Variants in SHANK2 observed in about 807,000 individuals in gnomAD.
SHANK2 encodes SH3 and multiple ankyrin repeat domains 2, also known as SH3 and multiple ankyrin repeat domains protein 2.
In SHANK2, 43 loss-of-function variants were observed where a neutral mutation model predicts 133.7. The observed-to-expected ratio is 0.32, with a 90% CI of 0.25 to 0.41. SHANK2 has a LOEUF of 0.41. Ranked by LOEUF, SHANK2 falls within the 10% of genes least tolerant of loss-of-function variation. SHANK2 has a pLI of 1.00. For missense variants in SHANK2, 1,994 were observed against 2,235.8 expected (o/e 0.89, Z 2.18); for synonymous variants, 1,017 against 952.8 (o/e 1.07, Z -1.24).
At chr11:70,863,611 C>T (rs1555068393) in intron 11 of SHANK2, 2 of 446,182 alleles carry the variant, frequency 4.5e-6, no homozygotes, top group Non-Finnish European at 9.1e-6. Context: ...CGGAGCTTTG[C>T]TAGGCCTGGT....
chr11:70,884,448 G>A (rs1402796752), intron 11 of SHANK2, among the ~76,000 whole-genome samples: 1 of 152,214 alleles, frequency 6.6e-6, no homozygotes, highest in East Asian at 1.9e-4. Flanking sequence ...GACAGCATGG[G>A]CTTTGTTTGG....
intron 1 of SHANK2, among the ~76,000 whole-genome samples, chr11:71,251,895 A>C (rs1555125905): frequency 6.6e-6 from 1 of 151,466 alleles, no homozygotes; most frequent in Non-Finnish European, 1.5e-5. Flanking sequence ...GTCTCGGGGG[A>C]CCTGGCGGCC....
chr11:70,524,872 A>G (rs553455321), intron 17 of SHANK2, among the ~76,000 whole-genome samples: 134 of 152,378 alleles, frequency 8.8e-4, no homozygotes, highest in Non-Finnish European at 1.3e-3. Flanking sequence ...TCATGCACAC[A>G]TGGACACATA....
At chr11:70,572,019 G>T (rs1455500542) in intron 17 of SHANK2, among the ~76,000 whole-genome samples, 1 of 152,214 alleles carries the variant, frequency 6.6e-6, no homozygotes, top group South Asian at 2.1e-4. Context: ...ACCCCAGAGA[G>T]CTCGCTTCCA....
At chr11:71,128,651 C>T (rs1280001155) in intron 3 of SHANK2, among the ~76,000 whole-genome samples, 1 of 152,222 alleles carries the variant, frequency 6.6e-6, no homozygotes, top group Non-Finnish European at 1.5e-5. Flanking sequence ...TGTGTCCTAG[C>T]ACAGATGAAC....
At chr11:70,865,986 C>T (rs1555068936) in intron 11 of SHANK2, among the ~76,000 whole-genome samples, 1 of 152,174 alleles carries the variant, frequency 6.6e-6, no homozygotes, top group East Asian at 1.9e-4. Flanking sequence ...CCCCTGGGCC[C>T]TCTCCTCCCT....
intron 17 of SHANK2, among the ~76,000 whole-genome samples, chr11:70,608,039 C>T (rs1179233340): frequency 6.6e-6 from 1 of 152,232 alleles, no homozygotes; most frequent in African/African-American, 2.4e-5. Context: ...GCCAGGGCTC[C>T]TGACCACTGC....
chr11:70,492,214 C>T, intron 22 of SHANK2, 121 bp downstream of exon 22: 7 of 1,446,230 alleles, frequency 4.8e-6, no homozygotes, highest in Non-Finnish European at 6.7e-6. Flanking sequence ...GATTTGGGCC[C>T]CACCTCTGGA....
intron 2 of SHANK2, among the ~76,000 whole-genome samples, chr11:71,159,498 C>T (rs1952967411): frequency 6.6e-6 from 1 of 152,162 alleles, no homozygotes; most frequent in Non-Finnish European, 1.5e-5. Flanking sequence ...TTCAGAGGTA[C>T]CAGAGACTAG....
chr11:71,138,790 C>CA (rs58396625), intron 3 of SHANK2, among the ~76,000 whole-genome samples: 13,248 of 82,552 alleles, frequency 0.16, 798 homozygotes, highest in Middle Eastern at 0.23. Flanking sequence ...GACCCTATCT[C>CA]AAAAAAAAAA....
intron 11 of SHANK2, among the ~76,000 whole-genome samples, chr11:70,821,712 C>T (rs924789762): frequency 5.9e-5 from 9 of 152,172 alleles, no homozygotes; most frequent in Admixed American, 1.3e-4. Flanking sequence ...CATGAGCCAC[C>T]GTGCCCGGCC....
intron 14 of SHANK2, among the ~76,000 whole-genome samples, chr11:70,755,676 C>G (rs888483250): frequency 6.6e-6 from 1 of 152,278 alleles, no homozygotes; most frequent in East Asian, 1.9e-4. Context: ...AGGCCGCCCT[C>G]GGCTCCGCAC....
At chr11:71,167,717 G>C (rs1555111300) in intron 2 of SHANK2, among the ~76,000 whole-genome samples, 2 of 137,016 alleles carry the variant, frequency 1.5e-5, no homozygotes, top group Non-Finnish European at 3.2e-5. Context: ...CGGGCAGAGG[G>C]GCTCCTCACT....
intron 2 of SHANK2, among the ~76,000 whole-genome samples, chr11:71,176,802 C>A (rs1953456597): frequency 6.6e-6 from 1 of 152,070 alleles, no homozygotes; most frequent in African/African-American, 2.4e-5. Context: ...ACAAATATTT[C>A]TATTTTTGGC....
At chr11:70,891,758 C>T (rs782558781) in intron 11 of SHANK2, among the ~76,000 whole-genome samples, 8 of 152,042 alleles carry the variant, frequency 5.3e-5, no homozygotes, top group Non-Finnish European at 8.8e-5. Context: ...CTGCACCTCC[C>T]CTCTGAAGGT....
chr11:70,677,780 C>T (rs781911423), intron 15 of SHANK2, among the ~76,000 whole-genome samples: 3 of 152,234 alleles, frequency 2.0e-5, no homozygotes, highest in Non-Finnish European at 4.4e-5. Flanking sequence ...TCTCACACTG[C>T]TCTGCACTCG....
intron 1 of SHANK2, among the ~76,000 whole-genome samples, chr11:71,247,986 T>C (rs782459494): frequency 1.4e-4 from 22 of 152,146 alleles, no homozygotes; most frequent in Non-Finnish European, 2.6e-4. Context: ...TTTTAAGAAC[T>C]TAATCTCCCA....
At chr11:71,201,078 G>A (rs1474608179) in intron 2 of SHANK2, among the ~76,000 whole-genome samples, 1 of 152,106 alleles carries the variant, frequency 6.6e-6, no homozygotes, top group Non-Finnish European at 1.5e-5. Flanking sequence ...ACACGACAGT[G>A]ATGGTTTAAG....
At position 71,132,393 on chromosome 11, in the gene SHANK2, T is replaced by C. The variant is rs1952332547; in HGVS notation, c.208-13361A>G. 2.0e-5 allele frequency among the ~76,000 whole-genome samples: 3 copies of C among 152,230 alleles called. 1 individual carries two copies. Among genetic ancestry groups the C allele is most frequent in the Admixed American group, 2.0e-4 (3 of 15,282 alleles). On this transcript the variant is annotated intron_variant, in intron 3 of 25. Coordinates refer to ENST00000601538, the MANE Select transcript of SHANK2 (RefSeq NM_012309.5). ...AGGGGACGGCTGCTCCTCACCAGCA[T>C]GGCCCCAAACCACAATACTCCCCCT...
Sources: gnomAD v4.1 joint callset for allele counts (sites outside exome capture counted in the v4.1 genomes callset) on GRCh38, gnomAD v4.1.1 for gene constraint, MANE v1.5 for transcripts, NCBI Gene and HGNC (gene_info 2026-07-23, HGNC 2026-07-21) for gene names.